The following DOCK1 variants were observed in gnomAD, a reference collection of about 807,000 sequenced individuals.
DOCK1 encodes dedicator of cytokinesis 1, also known as dedicator of cytokinesis protein 1.
DOCK1 carries 138 observed loss-of-function variants against 262.7 expected under a neutral mutation model. That is an observed-to-expected ratio of 0.53 (90% CI 0.46 to 0.61). The LOEUF (loss-of-function observed/expected upper bound fraction) is 0.61. Among genes scored for constraint, DOCK1 ranks in the 20% least tolerant of loss-of-function variants. DOCK1 has a pLI of 0.00. For synonymous variants in DOCK1, 866 were observed against 867.4 expected (o/e 1.00, Z 0.03); for missense variants, 1,908 against 2,370.7 (o/e 0.80, Z 4.05).
rs1333342272 is a variant in DOCK1 at position 127,423,429 on chromosome 10, C to A, written c.4777-2445C>A. Among the ~76,000 whole-genome samples the A allele has an allele frequency of 2.0e-5, 3 of 152,166 alleles. No individual in the cohort carries two copies. In the East Asian group the frequency reaches 5.8e-4, roughly 29 times the overall value. ...GCCTCAGAAACAGAGGATGGGCTGA[C>A]CTGCTCCTCGCTGGGTGGGAGGTGG... On this transcript the variant is annotated intron_variant, in intron 46 of 51. Transcript: ENST00000623213.
intron 29 of DOCK1, among the ~76,000 whole-genome samples, chr10:127,274,075 A>G (rs1487850360): frequency 6.6e-6 from 1 of 152,196 alleles, no homozygotes; most frequent in Admixed American, 6.5e-5. Flanking sequence ...CTGGCATTTC[A>G]GAGCAGTATT....
chr10:127,418,361 G>A lies in DOCK1; in HGVS notation c.4516-4G>A, dbSNP rs373944192. The A allele has an allele frequency of 1.2e-5, 20 of 1,605,944 alleles. No homozygotes were observed. Among genetic ancestry groups the A allele is most frequent in the Non-Finnish European group, 1.5e-5 (18 of 1,175,258 alleles). ...TGACATCGGGCTCTCCTCTCTCTTTGCAGGTGGAAATCAGCCCCCTGGAGA... is the reference window on the plus strand; with the variant it reads ...TGACATCGGGCTCTCCTCTCTCTTTACAGGTGGAAATCAGCCCCCTGGAGA... On this transcript the variant is annotated splice_region_variant and splice_polypyrimidine_tract_variant and intron_variant, in intron 44 of 51. Transcript: ENST00000623213.
intron 29 of DOCK1, among the ~76,000 whole-genome samples, chr10:127,332,223 C>T (rs901930466): frequency 4.6e-5 from 7 of 152,154 alleles, no homozygotes; most frequent in African/African-American, 7.2e-5. Context: ...CTAGAGCAGA[C>T]GCACCCTGGG....
chr10:127,274,265 A>G (rs2489409), intron 29 of DOCK1, among the ~76,000 whole-genome samples: 148,262 of 152,228 alleles, frequency 0.97, 72,338 homozygotes, highest in Middle Eastern at 1. Context: ...TATACCTCCA[A>G]TGAGAAAGAG....
At chr10:126,957,507 C>T (rs924969266) in intron 1 of DOCK1, among the ~76,000 whole-genome samples, 1 of 152,074 alleles carries the variant, frequency 6.6e-6, no homozygotes, top group African/African-American at 2.4e-5. Context: ...TTTTTCAGAG[C>T]CAGAGTATCA....
intron 50 of DOCK1, among the ~76,000 whole-genome samples, chr10:127,445,341 C>T (rs1019931837): frequency 6.6e-5 from 10 of 152,178 alleles, no homozygotes; most frequent in Admixed American, 6.5e-4. Context: ...TTGTCCTCTG[C>T]TCCTGATTTT....
intron 1 of DOCK1, among the ~76,000 whole-genome samples, chr10:126,934,904 C>T (rs1279697420): frequency 6.6e-6 from 1 of 151,996 alleles, no homozygotes; most frequent in African/African-American, 2.4e-5. Context: ...GTCATGAGGT[C>T]AGGAGACCAT....
chr10:127,297,791 C>A (rs2148376), intron 29 of DOCK1, among the ~76,000 whole-genome samples: 18,437 of 152,026 alleles, frequency 0.12, 1,443 homozygotes, highest in African/African-American at 0.22. Context: ...AGGGGAAATG[C>A]GGGAAGCATT....
chr10:127,028,497 C>G (rs544436145), intron 16 of DOCK1, among the ~76,000 whole-genome samples: 29 of 152,294 alleles, frequency 1.9e-4, no homozygotes, highest in African/African-American at 6.5e-4. Context: ...GGCTTGGAAA[C>G]CCCAGGTCAG....
At chr10:127,004,825 C>G (rs2040891839) in intron 10 of DOCK1, among the ~76,000 whole-genome samples, 1 of 148,448 alleles carries the variant, frequency 6.7e-6, no homozygotes, top group Non-Finnish European at 1.5e-5. Context: ...CACTCCTGTC[C>G]AGGTAAACCA....
At chr10:127,305,747 A>G (rs915061064) in intron 29 of DOCK1, among the ~76,000 whole-genome samples, 4 of 152,308 alleles carry the variant, frequency 2.6e-5, no homozygotes, top group African/African-American at 9.6e-5. Context: ...GAGAATTGAG[A>G]CAGCAATTTG....
chr10:127,006,550 C>A (rs1397366214), intron 10 of DOCK1, among the ~76,000 whole-genome samples: 1 of 152,206 alleles, frequency 6.6e-6, no homozygotes, highest in African/African-American at 2.4e-5. Context: ...AGGGAGCACT[C>A]CCTCTGCGTG....
At chr10:127,380,053 T>A (rs377103531) in intron 35 of DOCK1, 29 bp from the exon 36 acceptor site, 1 of 1,438,018 alleles carries the variant, frequency 7.0e-7, no homozygotes. Flanking sequence ...ACAGATTTCT[T>A]AAAACAGTAT....
intron 29 of DOCK1, among the ~76,000 whole-genome samples, chr10:127,270,681 G>A (rs571489350): frequency 6.6e-6 from 1 of 152,240 alleles, no homozygotes; most frequent in South Asian, 2.1e-4. Context: ...TTCTGTAGGA[G>A]CTGCCAACTT....
chr10:127,267,720 GC>G (rs1239505134), intron 29 of DOCK1, among the ~76,000 whole-genome samples: 1 of 152,220 alleles, frequency 6.6e-6, no homozygotes, highest in Non-Finnish European at 1.5e-5. Flanking sequence ...GAAGCCAAGT[GC>G]CCTCTCTATT....
At chr10:127,039,338 T>C (rs1413635821) in intron 19 of DOCK1, among the ~76,000 whole-genome samples, 1 of 152,232 alleles carries the variant, frequency 6.6e-6, no homozygotes, top group African/African-American at 2.4e-5. Context: ...AATTTTGTCC[T>C]CTTTCATTTT....
intron 31 of DOCK1, among the ~76,000 whole-genome samples, chr10:127,350,388 C>T (rs2063828460): frequency 6.6e-6 from 1 of 152,186 alleles, no homozygotes; most frequent in Admixed American, 6.5e-5. Flanking sequence ...TACTCCCTCC[C>T]TGCCATGGGG....
intron 27 of DOCK1, among the ~76,000 whole-genome samples, chr10:127,241,945 G>GT (rs1277551756): frequency 2.0e-5 from 3 of 152,168 alleles, no homozygotes; most frequent in Non-Finnish European, 4.4e-5. Context: ...CAGCACTGTT[G>GT]TTTTTCATCT....
At chr10:127,376,915 A>G (rs1228190880) in intron 35 of DOCK1, among the ~76,000 whole-genome samples, 1 of 152,194 alleles carries the variant, frequency 6.6e-6, no homozygotes, top group Non-Finnish European at 1.5e-5. Flanking sequence ...CTTGTAATAA[A>G]ACCTACAATC....
Sources: allele counts gnomAD v4.1 joint callset (sites outside exome capture counted in the v4.1 genomes callset), GRCh38; gene constraint gnomAD v4.1.1; transcripts MANE v1.5; gene names NCBI Gene and HGNC (gene_info 2026-07-23, HGNC 2026-07-21).